The following ANKRD44 variants were observed in gnomAD, a reference collection of about 807,000 sequenced individuals.
The protein encoded by ANKRD44 is serine/threonine-protein phosphatase 6 regulatory ankyrin repeat subunit B.
Under a neutral mutation model 116.0 loss-of-function variants are expected in ANKRD44, and 35 were observed. That is an observed-to-expected ratio of 0.30 (90% CI 0.23 to 0.40). ANKRD44 has a LOEUF of 0.40. Ranked by LOEUF, ANKRD44 falls within the 10% of genes least tolerant of loss-of-function variation. The probability of loss-of-function intolerance (pLI) is 1.00; values close to 1 mark genes in which losing one functional copy is unlikely to be tolerated. For missense variants in ANKRD44, 1,014 were observed against 1,242.6 expected (o/e 0.82, Z 2.77); for synonymous variants, 435 against 461.8 (o/e 0.94, Z 0.74).
intron 4 of ANKRD44, among the ~76,000 whole-genome samples, chr2:197,126,777 C>T (rs1391773430): frequency 6.6e-6 from 1 of 151,162 alleles, no homozygotes; most frequent in Non-Finnish European, 1.5e-5. Context: ...AACATATATA[C>T]AGGTGCAAAA....
intron 1 of ANKRD44, among the ~76,000 whole-genome samples, chr2:197,220,166 TC>T (rs2081551233): frequency 6.6e-6 from 1 of 152,236 alleles, no homozygotes; most frequent in African/African-American, 2.4e-5. Flanking sequence ...CCTAATCCTT[TC>T]TTTGTGGCAG....
intron 1 of ANKRD44, among the ~76,000 whole-genome samples, chr2:197,310,211 G>C (rs1416612268): frequency 1.3e-5 from 2 of 151,808 alleles, no homozygotes; most frequent in African/African-American, 2.4e-5. Flanking sequence ...CCTCCTCCCC[G>C]GGGCCCGGGC....
intron 9 of ANKRD44, among the ~76,000 whole-genome samples, chr2:197,107,028 A>C (rs1443171286): frequency 2.0e-5 from 3 of 152,146 alleles, no homozygotes; most frequent in African/African-American, 7.2e-5. Context: ...TGAAGGTTGC[A>C]AGTTAAATAT....
intron 1 of ANKRD44, among the ~76,000 whole-genome samples, chr2:197,264,966 A>G (rs1324547703): frequency 6.6e-6 from 1 of 152,184 alleles, no homozygotes; most frequent in Non-Finnish European, 1.5e-5. Context: ...ATTGCCATTT[A>G]CAAAATAAAA....
intron 17 of ANKRD44, among the ~76,000 whole-genome samples, chr2:197,020,023 C>A (rs888101185): frequency 6.6e-6 from 1 of 151,982 alleles, no homozygotes; most frequent in East Asian, 1.9e-4. Context: ...ACCATGTTGG[C>A]CAGGCTGGTC....
chr2:197,016,931 C>A (rs1450687387), intron 17 of ANKRD44, among the ~76,000 whole-genome samples: 2 of 151,886 alleles, frequency 1.3e-5, no homozygotes, highest in East Asian at 3.9e-4. Flanking sequence ...ATTTTAAAAA[C>A]TAGGAAAATA....
intron 2 of ANKRD44, among the ~76,000 whole-genome samples, chr2:197,164,986 G>A (rs1206084851): frequency 6.6e-6 from 1 of 152,062 alleles, no homozygotes; most frequent in Non-Finnish European, 1.5e-5. Context: ...CTAAACTACT[G>A]TTTATTTGTC....
intron 13 of ANKRD44, among the ~76,000 whole-genome samples, chr2:197,085,030 G>A (rs762183893): frequency 1.3e-5 from 2 of 152,170 alleles, no homozygotes; most frequent in Non-Finnish European, 2.9e-5. Context: ...GAAATATAAA[G>A]TAATTTGCTG....
intron 18 of ANKRD44, among the ~76,000 whole-genome samples, chr2:197,012,453 A>G (rs1574273146): frequency 6.6e-6 from 1 of 152,372 alleles, no homozygotes; most frequent in East Asian, 1.9e-4. Context: ...AATAATAACA[A>G]GAATGGCTGG....
intron 1 of ANKRD44, among the ~76,000 whole-genome samples, chr2:197,197,469 T>C (rs896121048): frequency 6.6e-6 from 1 of 152,226 alleles, no homozygotes; most frequent in Non-Finnish European, 1.5e-5. Context: ...CCACATTCAA[T>C]TCAACAAAGA....
intron 2 of ANKRD44, among the ~76,000 whole-genome samples, chr2:197,157,675 C>CAAAAAAA (rs35588359): frequency 1.2e-5 from 1 of 83,088 alleles, no homozygotes; most frequent in Admixed American, 1.4e-4. Flanking sequence ...GAGACTCTGT[C>CAAAAAAA]AAAAAAAAAA....
chr2:197,022,232 T>A (rs2076511356), intron 17 of ANKRD44, among the ~76,000 whole-genome samples: 1 of 152,110 alleles, frequency 6.6e-6, no homozygotes. Flanking sequence ...AAGCAAATAA[T>A]TTGTATTTAG....
intron 1 of ANKRD44, among the ~76,000 whole-genome samples, chr2:197,267,927 C>A (rs755731030): frequency 1.3e-5 from 2 of 152,210 alleles, no homozygotes; most frequent in Non-Finnish European, 2.9e-5. Flanking sequence ...AGTCTCCCAA[C>A]AAGGGACACA....
intron 1 of ANKRD44, among the ~76,000 whole-genome samples, chr2:197,279,768 C>T (rs961770275): frequency 6.6e-6 from 1 of 152,210 alleles, no homozygotes; most frequent in Admixed American, 6.5e-5. Flanking sequence ...TGTGCTCACT[C>T]TCCTGCACTC....
At chr2:197,083,643 T>C in intron 13 of ANKRD44, 134 bp from the exon 14 acceptor site, 2 of 853,732 alleles carry the variant, frequency 2.3e-6, no homozygotes, top group Non-Finnish European at 3.4e-6. Flanking sequence ...GCCAAAGTCA[T>C]GCCTTCCTTC....
intron 4 of ANKRD44, chr2:197,134,120 AT>A (rs1481176977): frequency 6.6e-6 from 1 of 151,028 alleles, no homozygotes. Flanking sequence ...TGCCCAGCTA[AT>A]TTTGTATTTT....
chr2:197,103,551 A>G (rs12614828), intron 9 of ANKRD44, among the ~76,000 whole-genome samples: 121,045 of 151,978 alleles, frequency 0.8, 48,460 homozygotes, highest in East Asian at 0.97. Context: ...GTGATGACTA[A>G]CGGGTATGAG....
intron 1 of ANKRD44, among the ~76,000 whole-genome samples, chr2:197,237,604 C>T (rs2082004683): frequency 6.6e-6 from 1 of 152,186 alleles, no homozygotes; most frequent in African/African-American, 2.4e-5. Context: ...CCATAAACGT[C>T]TAAATGACAG....
At chr2:197,059,916 A>G (rs957220791) in intron 16 of ANKRD44, among the ~76,000 whole-genome samples, 3 of 152,218 alleles carry the variant, frequency 2.0e-5, no homozygotes, top group Non-Finnish European at 4.4e-5. Flanking sequence ...CCATCCTTCA[A>G]TTCGTTACAG....
Sources: allele counts gnomAD v4.1 joint callset (sites outside exome capture counted in the v4.1 genomes callset), GRCh38; gene constraint gnomAD v4.1.1; transcripts MANE v1.5; gene names NCBI Gene and HGNC (gene_info 2026-07-23, HGNC 2026-07-21).